ABCC11: variants seen among roughly 807,000 people sequenced by gnomAD.
ABCC11 encodes the protein ATP-binding cassette sub-family C member 11.
Under a neutral mutation model 149.3 loss-of-function variants are expected in ABCC11, and 135 were observed. The ratio of observed to expected loss-of-function variants is 0.90; its 90% CI spans 0.79 to 1.04. The LOEUF is 1.04. ABCC11 is among the 50% of genes least tolerant of loss of function. The pLI is 0.00. For missense variants in ABCC11, 1,680 were observed against 1,722.1 expected (o/e 0.98, Z 0.43); for synonymous variants, 665 against 671.4 (o/e 0.99, Z 0.15).
At chr16:48,182,489 G>A (rs1966501023) in intron 23 of ABCC11, among the ~76,000 whole-genome samples, 2 of 152,172 alleles carry the variant, frequency 1.3e-5, no homozygotes, top group African/African-American at 4.8e-5. Context: ...TTAAGAACAT[G>A]TAGTTTGGGG....
rs539418755 is a variant in ABCC11, at chr16:48,244,219, T to G, written c.-19+3095A>C. 3.1e-5 allele frequency: 17 copies of G among 551,980 alleles called. 1 individual carries two copies. In the East Asian group the frequency reaches 5.3e-4, roughly 17 times the overall value. 34.2% of individuals were successfully genotyped at this position (551,980 alleles called of 1,614,324 possible). On this transcript the variant is annotated intron_variant, in intron 1 of 29. Coordinates refer to ENST00000356608, the MANE Select transcript of ABCC11 (RefSeq NM_001370497.1). Reference sequence around the variant, plus strand: ...ACGCTCAAGTCTTACCGGGAGGCTCTCCTAGAGAGCAGCGCGAAGCCATGG... The same window carrying G: ...ACGCTCAAGTCTTACCGGGAGGCTCGCCTAGAGAGCAGCGCGAAGCCATGG...
intron 1 of ABCC11, among the ~76,000 whole-genome samples, chr16:48,242,664 A>G (rs999637491): frequency 2.6e-5 from 4 of 152,240 alleles, no homozygotes; most frequent in African/African-American, 9.6e-5. Context: ...CATCAATGAT[A>G]GACTGGATTA....
chr16:48,188,052 C>T (rs1427055929), intron 20 of ABCC11, among the ~76,000 whole-genome samples: 1 of 152,130 alleles, frequency 6.6e-6, no homozygotes, highest in Admixed American at 6.5e-5. Context: ...TTGGAAGTTG[C>T]CACCCTTTTC....
At position 48,170,225 on chromosome 16, in the gene ABCC11, T is replaced by C. The variant is rs564880381; in HGVS notation, c.3778-7A>G. On this transcript the variant is annotated splice_region_variant and splice_polypyrimidine_tract_variant and intron_variant, in intron 27 of 29. Transcript: ENST00000356608. Reference sequence around the variant, plus strand: ...TTTTGGGGAACTTTGAGATCTGCGATATGGGAAGAAGAGACAACATAACCT... The same window carrying C: ...TTTTGGGGAACTTTGAGATCTGCGACATGGGAAGAAGAGACAACATAACCT... The C allele has an allele frequency of 2.3e-4, 364 of 1,608,164 alleles. 3 individuals carry two copies. In the South Asian group the frequency reaches 3.6e-3, roughly 16 times the overall value.
At chr16:48,218,712 GT>G (rs1969516762) in intron 6 of ABCC11, among the ~76,000 whole-genome samples, 1 of 151,548 alleles carries the variant, frequency 6.6e-6, no homozygotes, top group Non-Finnish European at 1.5e-5. Context: ...TATGGGGGGA[GT>G]TTCCCTACAC....
At chr16:48,228,545 G>A (rs551981140) in intron 3 of ABCC11, among the ~76,000 whole-genome samples, 5 of 151,902 alleles carry the variant, frequency 3.3e-5, no homozygotes, top group African/African-American at 7.2e-5. Flanking sequence ...GCAGTGAGCC[G>A]AGATCACGCC....
intron 13 of ABCC11, among the ~76,000 whole-genome samples, chr16:48,203,713 C>T (rs763500658): frequency 2.0e-5 from 3 of 152,068 alleles, no homozygotes; most frequent in Non-Finnish European, 2.9e-5. Flanking sequence ...ACTAAAAATA[C>T]AAAAATTAAC....
intron 14 of ABCC11, among the ~76,000 whole-genome samples, chr16:48,201,090 T>C (rs1326744831): frequency 6.6e-6 from 1 of 152,190 alleles, no homozygotes; most frequent in Non-Finnish European, 1.5e-5. Flanking sequence ...ATCTTACAAC[T>C]CTCCATGTAT....
intron 27 of ABCC11, 85 bp from the exon 28 acceptor site, chr16:48,170,303 T>C: frequency 2.0e-6 from 2 of 1,001,406 alleles, no homozygotes; most frequent in African/African-American, 1.6e-5. Flanking sequence ...TTCCGCTGTA[T>C]TGGCAACACT....
Position 48,175,552 on chromosome 16 carries a change from A to G in ABCC11, c.3539-135T>C, listed in dbSNP as rs973853372. 20 of 1,078,462 alleles carry G rather than the reference A, an allele frequency of 1.9e-5. No individual in the cohort carries two copies. The African/African-American group carries it at 3.2e-4, about 17-fold the overall frequency. The allele number at this position is 1,078,462 out of a possible 1,614,324, so 66.8% of individuals were successfully genotyped here. The stretch of plus-strand genomic sequence containing the variant: ...TCATCACTGTGAGCCCTGAAGGGGT[A>G]GGAGAGGGCTGGCGTCCCTGCTCCA... On this transcript the variant is annotated intron_variant, in intron 25 of 29. Transcript: ENST00000356608.
Position 48,167,488 on chromosome 16 carries a change from GC to G in ABCC11, c.4056+7del. 1 of 1,614,002 alleles carries G rather than the reference GC, an allele frequency of 6.2e-7. No homozygotes were observed. The highest frequency in any genetic ancestry group is 1.1e-5 in the South Asian group (1 of 91,076). On this transcript the variant is annotated splice_region_variant and intron_variant, in intron 29 of 29. Transcript: ENST00000356608. ...ATCCTCCCACCAGCCCAAGGACGCA[GC>G]CTTCACCTTCCCATTGCCCATAACC...
In ABCC11 at chr16:48,200,313, C is replaced by A. The variant is rs987332145; in HGVS notation, c.2045G>T (p.Arg682Met). The change falls in exon 15 of 30, where the codon AGG (arginine) becomes ATG (methionine). Residue 682 changes from arginine (R) to methionine (M), a missense_variant. Coordinates refer to ENST00000356608, the MANE Select transcript of ABCC11 (RefSeq NM_001370497.1). ...GGTCACCAGGACGACCGTCTTCCCC[C>A]TGAGTGTCTTCTTAATGCACTCCTC... is the stretch of plus-strand genomic sequence containing the variant. ...IFEECIKKTLRGKTVVLVTHQ... is the reference protein window; with the variant it reads ...IFEECIKKTLMGKTVVLVTHQ... The A allele has an allele frequency of 1.9e-5, 30 of 1,614,096 alleles. No individual in the cohort carries two copies. Among genetic ancestry groups the A allele is most frequent in the Non-Finnish European group, 2.4e-5 (28 of 1,180,026 alleles).
Position 48,165,967 on chromosome 16 carries a change from AAAC to A in ABCC11, c.*1304_*1306del, listed in dbSNP as rs1378227306. 6.6e-6 allele frequency: 1 copy of A among 152,240 alleles called. No homozygotes were observed. Among genetic ancestry groups the A allele is most frequent in the African/African-American group, 2.4e-5 (1 of 41,456 alleles). The allele number at this position is 152,240 out of a possible 1,614,324, so 9.4% of individuals were successfully genotyped here. ...GGGGAGTGAGAACAAGAAAGAGAGAAAACAAATTATTTTATTTTCAGTTGTCAT... is the reference window on the plus strand; with the variant it reads ...GGGGAGTGAGAACAAGAAAGAGAGAAAAATTATTTTATTTTCAGTTGTCAT... On this transcript the variant is annotated 3_prime_UTR_variant, in exon 30 of 30. Coordinates refer to ENST00000356608, the MANE Select transcript of ABCC11 (RefSeq NM_001370497.1).
intron 10 of ABCC11, 92 bp downstream of exon 10, chr16:48,213,351 G>T (rs1156960188): frequency 8.7e-7 from 1 of 1,145,796 alleles, no homozygotes; most frequent in Non-Finnish European, 1.3e-6. Flanking sequence ...CTAGGCCTTG[G>T]CCAGGGGACG....
rs1969836109 is a variant in ABCC11 at position 48,222,846 on chromosome 16, G to A, written c.544-15C>T. ...ATAATCAATATCTACAAGGAAATGG[G>A]AGTTTGGATCATTCAGACCACCCTG... On this transcript the variant is annotated splice_polypyrimidine_tract_variant and intron_variant, in intron 5 of 29. Coordinates refer to ENST00000356608, the MANE Select transcript of ABCC11 (RefSeq NM_001370497.1). The A allele has an allele frequency of 6.2e-7, 1 of 1,600,032 alleles. No individual in the cohort carries two copies.
chr16:48,178,686 G>C lies in ABCC11; in HGVS notation c.3259C>G (p.Leu1087Val), dbSNP rs1966243972. 1.9e-6 allele frequency: 3 copies of C among 1,614,026 alleles called. No homozygotes were observed. The highest frequency in any genetic ancestry group is 1.7e-6 in the Non-Finnish European group (2 of 1,180,004). ...GCAGTGGCCTGGAAGCTGGACGCCA[G>C]CTAGAAGGAAGGAGAAGTATCGGGG... ...KVMAVNIVLQ[L>V]ASSFQATARI... The change falls in exon 24 of 30, where the codon CTG becomes GTG. Residue 1087 changes from leucine (L) to valine (V), a missense_variant and splice_region_variant. By Grantham distance (32) the Leu-to-Val change is conservative. Transcript: ENST00000356608.
intron 13 of ABCC11, among the ~76,000 whole-genome samples, chr16:48,204,685 C>A (rs1968279669): frequency 6.6e-6 from 1 of 152,198 alleles, no homozygotes; most frequent in African/African-American, 2.4e-5. Flanking sequence ...AGTTCCTACA[C>A]CTCCATATCT....
intron 1 of ABCC11, chr16:48,244,651 G>A (rs1279631180): frequency 1.5e-6 from 2 of 1,319,900 alleles, no homozygotes; most frequent in African/African-American, 3.1e-5. Flanking sequence ...CGGCGGCGGC[G>A]GGCGGCGCGG....
chr16:48,207,593 G>A (rs1773504550), intron 12 of ABCC11, among the ~76,000 whole-genome samples: 1 of 151,962 alleles, frequency 6.6e-6, no homozygotes, highest in Non-Finnish European at 1.5e-5. Flanking sequence ...CTTGAACCCT[G>A]GAGGCAGAGG....
Sources: allele counts gnomAD v4.1 joint callset (sites outside exome capture counted in the v4.1 genomes callset), GRCh38; gene constraint gnomAD v4.1.1; transcripts MANE v1.5; gene names NCBI Gene and HGNC (gene_info 2026-07-23, HGNC 2026-07-21).